The following BMPR2 variants were observed in gnomAD, a reference collection of about 807,000 sequenced individuals.
BMPR2 encodes bone morphogenetic protein receptor type 2.
Under a neutral mutation model 100.8 loss-of-function variants are expected in BMPR2, and 29 were observed. The ratio of observed to expected loss-of-function variants is 0.29; its 90% CI spans 0.21 to 0.39. BMPR2 has a LOEUF of 0.39. BMPR2 is among the 10% of genes least tolerant of loss of function. The pLI, the probability that BMPR2 is intolerant of heterozygous loss-of-function variation, is 1.00. For missense variants in BMPR2, 1,011 were observed against 1,274.5 expected, an observed-to-expected ratio of 0.79 and a Z score of 3.15; for synonymous variants, 382 against 442.3, an observed-to-expected ratio of 0.86 and a Z score of 1.71.
intron 1 of BMPR2, among the ~76,000 whole-genome samples, chr2:202,385,726 T>C (rs1264103380): frequency 2.9e-5 from 2 of 70,160 alleles, no homozygotes; most frequent in Non-Finnish European, 6.2e-5. Context: ...ATTAATTATA[T>C]CTGTTTTTTT....
chr2:202,467,415 T>A, intron 2 of BMPR2, 104 bp from the exon 3 acceptor site: 2 of 996,492 alleles, frequency 2.0e-6, no homozygotes. Flanking sequence ...TTTCATAGCT[T>A]ACACGTACTC....
intron 3 of BMPR2, among the ~76,000 whole-genome samples, chr2:202,512,130 T>C (rs1008746046): frequency 2.6e-5 from 4 of 152,224 alleles, no homozygotes; most frequent in Non-Finnish European, 5.9e-5. Flanking sequence ...GTTTAGACAT[T>C]TTAATAAGCA....
chr2:202,489,971 G>A (rs1692868016), intron 3 of BMPR2, among the ~76,000 whole-genome samples: 1 of 152,122 alleles, frequency 6.6e-6, no homozygotes, highest in Admixed American at 6.6e-5. Flanking sequence ...CTGGATTTTG[G>A]CTGATCTAGG....
At chr2:202,514,122 TA>T (rs1687672253) in intron 4 of BMPR2, among the ~76,000 whole-genome samples, 3 of 151,960 alleles carry the variant, frequency 2.0e-5, no homozygotes. Flanking sequence ...GAGCTTTTTT[TA>T]AAATTTATTT....
Position 202,446,573 on chromosome 2 carries a change from G to A in BMPR2, c.77-18236G>A, listed in dbSNP as rs1470455879. The stretch of plus-strand genomic sequence containing the variant: ...TAGTATTAGTGTAACAGAGCAAAGA[G>A]TATATGAATACTCATGATCCTACCA... On this transcript the variant is annotated intron_variant, in intron 1 of 12. Coordinates refer to ENST00000374580, the MANE Select transcript of BMPR2 (RefSeq NM_001204.7). Among the ~76,000 whole-genome samples the A allele has an allele frequency of 1.1e-4, 17 of 150,214 alleles. 3 individuals are homozygous for A. Among genetic ancestry groups the A allele is most frequent in the African/African-American group, 4.3e-4 (17 of 39,674 alleles).
chr2:202,381,466 A>G lies in BMPR2; in HGVS notation c.76+3916A>G, dbSNP rs114823135. 9.9e-3 allele frequency among the ~76,000 whole-genome samples: 1,513 copies of G among 152,308 alleles called. 32 individuals are homozygous for G. Among genetic ancestry groups the G allele is most frequent in the African/African-American group, 0.035 (1,454 of 41,562 alleles). ...GCATTGGCAGAAGTGCAAGAGGCCAAGCCCAACCCTACCAGCACATTTCCA... is the reference window on the plus strand; with the variant it reads ...GCATTGGCAGAAGTGCAAGAGGCCAGGCCCAACCCTACCAGCACATTTCCA... On this transcript the variant is annotated intron_variant, in intron 1 of 12. Coordinates refer to ENST00000374580, the MANE Select transcript of BMPR2 (RefSeq NM_001204.7).
At chr2:202,559,327 C>T (rs1190146283) in intron 12 of BMPR2, among the ~76,000 whole-genome samples, 4 of 151,794 alleles carry the variant, frequency 2.6e-5, no homozygotes, top group Non-Finnish European at 5.9e-5. Flanking sequence ...AAATTTGATC[C>T]ACCTTGAGCA....
intron 3 of BMPR2, among the ~76,000 whole-genome samples, chr2:202,470,089 A>T (rs1288901275): frequency 6.6e-6 from 1 of 152,170 alleles, no homozygotes; most frequent in African/African-American, 2.4e-5. Flanking sequence ...CATACCTGTA[A>T]TCCCAGCACT....
chr2:202,451,585 G>A (rs1355454878), intron 1 of BMPR2, among the ~76,000 whole-genome samples: 1 of 152,102 alleles, frequency 6.6e-6, no homozygotes, highest in Non-Finnish European at 1.5e-5. Flanking sequence ...TGTAATCCCA[G>A]CTACTCGGGT....
chr2:202,379,552 TGC>T (rs1690226819), intron 1 of BMPR2, among the ~76,000 whole-genome samples: 1 of 152,214 alleles, frequency 6.6e-6, no homozygotes. Flanking sequence ...GCAGTGGTTA[TGC>T]AAATGTCGTA....
intron 7 of BMPR2, among the ~76,000 whole-genome samples, 191 bp from the exon 8 acceptor site, chr2:202,530,603 G>GTTAATTA (rs1688003650): frequency 6.6e-6 from 1 of 152,144 alleles, no homozygotes; most frequent in Non-Finnish European, 1.5e-5. Context: ...AACTATACAT[G>GTTAATTA]CAACAGGAGT....
intron 1 of BMPR2, among the ~76,000 whole-genome samples, chr2:202,394,628 A>C (rs1475253155): frequency 6.6e-6 from 1 of 152,100 alleles, no homozygotes; most frequent in Non-Finnish European, 1.5e-5. Context: ...CAGAATAAGT[A>C]CTTTGTCTAA....
At chr2:202,548,997 C>T (rs1368178038) in intron 10 of BMPR2, among the ~76,000 whole-genome samples, 2 of 152,108 alleles carry the variant, frequency 1.3e-5, no homozygotes, top group Non-Finnish European at 2.9e-5. Context: ...TCAATTACCC[C>T]CAGAAGATTT....
chr2:202,422,294 C>T (rs1055535731), intron 1 of BMPR2, among the ~76,000 whole-genome samples: 2 of 151,766 alleles, frequency 1.3e-5, no homozygotes, highest in African/African-American at 4.8e-5. Context: ...ATTCAAAGTA[C>T]TCATCATAAA....
intron 12 of BMPR2, among the ~76,000 whole-genome samples, chr2:202,559,479 A>G (rs140535918): frequency 6.6e-6 from 1 of 152,312 alleles, no homozygotes; most frequent in East Asian, 1.9e-4. Flanking sequence ...GCCTTATAAA[A>G]TAAGTCAATC....
chr2:202,398,345 C>T (rs1474721082), intron 1 of BMPR2, among the ~76,000 whole-genome samples: 1 of 152,058 alleles, frequency 6.6e-6, no homozygotes, highest in Non-Finnish European at 1.5e-5. Flanking sequence ...AGGGAAATTT[C>T]TCATTCAGCT....
intron 3 of BMPR2, among the ~76,000 whole-genome samples, chr2:202,475,326 G>A (rs1023292835): frequency 6.6e-6 from 1 of 151,996 alleles, no homozygotes; most frequent in Non-Finnish European, 1.5e-5. Flanking sequence ...GAGTCACCAC[G>A]CCCGGCCACA....
At chr2:202,501,904 C>T (rs1210623289) in intron 3 of BMPR2, among the ~76,000 whole-genome samples, 1 of 152,222 alleles carries the variant, frequency 6.6e-6, no homozygotes, top group Non-Finnish European at 1.5e-5. Context: ...GAGATGATCT[C>T]TTAGAAGTCC....
intron 3 of BMPR2, among the ~76,000 whole-genome samples, chr2:202,510,960 T>C (rs1462174909): frequency 2.0e-5 from 3 of 151,138 alleles, no homozygotes; most frequent in Admixed American, 2.0e-4. Context: ...ATGACAGGAG[T>C]GAGCCACCGC....
Sources: gnomAD v4.1 joint callset for allele counts (sites outside exome capture counted in the v4.1 genomes callset) on GRCh38, gnomAD v4.1.1 for gene constraint, MANE v1.5 for transcripts, NCBI Gene and HGNC (gene_info 2026-07-23, HGNC 2026-07-21) for gene names.